The following IQCE variants were observed in gnomAD, a reference collection of about 807,000 sequenced individuals.
IQCE encodes IQ domain-containing protein E.
In IQCE, 115 loss-of-function variants were observed where a neutral mutation model predicts 96.0. The ratio of observed to expected loss-of-function variants is 1.20; its 90% CI spans 1.03 to 1.40. IQCE has a LOEUF of 1.40. IQCE is among the 40% of genes most tolerant of loss of function. IQCE has a pLI of 0.00. For synonymous variants in IQCE, 412 were observed against 371.2 expected (o/e 1.11, Z -1.26); for missense variants, 1,041 against 909.1 (o/e 1.15, Z -1.87).
chr7:2,596,262 T>TA (rs1329807102), intron 16 of IQCE, among the ~76,000 whole-genome samples: 3 of 141,740 alleles, frequency 2.1e-5, no homozygotes, highest in African/African-American at 7.9e-5. Context: ...CTTTTCTCAC[T>TA]AAAAAAAGAA....
Position 2,604,894 on chromosome 7 carries a change from T to C in IQCE, c.1646T>C (p.Leu549Pro). The change falls in exon 19 of 22, where the codon CTT (leucine) becomes CCT (proline). Residue 549 changes from leucine to proline, a missense_variant. Coordinates refer to ENST00000402050, the MANE Select transcript of IQCE (RefSeq NM_152558.5). ...KAVLDEAAVV[L>P]QAAFRGHLTR... is the part of the protein sequence containing the mutation. ...CTTCCCTGACAGGCGGCTGTGGTGC[T>C]TCAGGCAGCTTTCAGGGGACATCTC... 1 of 1,613,584 alleles carries C rather than the reference T, an allele frequency of 6.2e-7. No homozygotes were observed. The highest frequency in any genetic ancestry group is 8.5e-7 in the Non-Finnish European group (1 of 1,179,796).
chr7:2,559,133 G>C lies in IQCE; in HGVS notation c.-49G>C. On this transcript the variant is annotated 5_prime_UTR_variant, in exon 1 of 22. Coordinates refer to ENST00000402050, the MANE Select transcript of IQCE (RefSeq NM_152558.5). ...GGGCTGCCCGCGGATTCCCAGACCC[G>C]GACGCCCGAGCCAGCAACCCTGAGG... 2 of 1,053,148 alleles carry C rather than the reference G, an allele frequency of 1.9e-6. No individual in the cohort carries two copies. Among genetic ancestry groups the C allele is most frequent in the Non-Finnish European group, 2.3e-6 (2 of 867,470 alleles). 65.2% of individuals were successfully genotyped at this position (1,053,148 alleles called of 1,614,324 possible). A position where few individuals can be genotyped will look rare whatever the true frequency, so the allele number is the denominator to read the frequency against.
At chr7:2,598,439 C>T in intron 16 of IQCE, 26 bp from the exon 17 acceptor site, 1 of 1,547,282 alleles carries the variant, frequency 6.5e-7, no homozygotes, top group African/African-American at 1.4e-5. Context: ...GCTTCATTGT[C>T]CTCTTACTCC....
intron 15 of IQCE, among the ~76,000 whole-genome samples, chr7:2,594,263 CAAACA>C (rs1783843778): frequency 6.6e-6 from 1 of 150,900 alleles, no homozygotes; most frequent in South Asian, 2.1e-4. Flanking sequence ...CTGTCTCAAA[CAAACA>C]AAAAAAAAGA....
chr7:2,568,325 A>G (rs959258946), intron 2 of IQCE, among the ~76,000 whole-genome samples: 6 of 152,248 alleles, frequency 3.9e-5, no homozygotes, highest in Non-Finnish European at 8.8e-5. Context: ...CTTGGGTCCC[A>G]TCCCCAAGAT....
chr7:2,604,319 C>T (rs561785468), intron 18 of IQCE, among the ~76,000 whole-genome samples: 8 of 152,206 alleles, frequency 5.3e-5, no homozygotes, highest in African/African-American at 1.2e-4. Context: ...CTGTGTTGCC[C>T]GGGCTGATCT....
At chr7:2,581,141 C>A (rs2128448070) in intron 8 of IQCE, among the ~76,000 whole-genome samples, 1 of 152,232 alleles carries the variant, frequency 6.6e-6, no homozygotes, top group South Asian at 2.1e-4. Flanking sequence ...CCGCGCCCAG[C>A]CCTGTAACAT....
intron 3 of IQCE, among the ~76,000 whole-genome samples, chr7:2,571,156 C>G (rs1003717589): frequency 2.0e-5 from 3 of 152,068 alleles, no homozygotes; most frequent in African/African-American, 7.2e-5. Flanking sequence ...GTAGCTGGGA[C>G]CACAGGTGTG....
chr7:2,608,513 A>C (rs1317979991), intron 21 of IQCE, among the ~76,000 whole-genome samples: 3 of 152,234 alleles, frequency 2.0e-5, no homozygotes, highest in Non-Finnish European at 4.4e-5. Context: ...CAAAACTTCC[A>C]TTTGTAAAGC....
rs548125972 is a variant in IQCE, at chr7:2,598,339, C to T, written c.1441-126C>T. On this transcript the variant is annotated intron_variant, in intron 16 of 21. Transcript: ENST00000402050. ...GACCAGTGTGGAACAGCTCTCTCCT[C>T]CACATTAGTGAGACTCACCTGATAA... 1,635 of 921,154 alleles carry T rather than the reference C, an allele frequency of 1.8e-3. 4 individuals carry two copies. The highest frequency in any genetic ancestry group is 2.4e-3 in the Non-Finnish European group (1,453 of 616,968). The allele number at this position is 921,154 out of a possible 1,614,324, so 57.1% of individuals were successfully genotyped here. A position where few individuals can be genotyped will look rare whatever the true frequency, so the allele number is the denominator to read the frequency against.
At chr7:2,568,400 A>G (rs1781532787) in intron 2 of IQCE, among the ~76,000 whole-genome samples, 1 of 152,198 alleles carries the variant, frequency 6.6e-6, no homozygotes, top group South Asian at 2.1e-4. Flanking sequence ...CATCTCGGAT[A>G]TGGGACACTC....
intron 3 of IQCE, among the ~76,000 whole-genome samples, chr7:2,570,976 TAATA>T (rs1781712509): frequency 6.6e-6 from 1 of 152,242 alleles, no homozygotes; most frequent in Non-Finnish European, 1.5e-5. Flanking sequence ...TTAAATGCTA[TAATA>T]AATGTTGGTA....
At chr7:2,561,846 G>C (rs1355751587) in intron 1 of IQCE, among the ~76,000 whole-genome samples, 1 of 152,208 alleles carries the variant, frequency 6.6e-6, no homozygotes, top group African/African-American at 2.4e-5. Flanking sequence ...TCTGTGAATA[G>C]AGATAGTTTT....
At chr7:2,603,358 C>G (rs1784565524) in intron 18 of IQCE, among the ~76,000 whole-genome samples, 1 of 152,252 alleles carries the variant, frequency 6.6e-6, no homozygotes, top group African/African-American at 2.4e-5. Flanking sequence ...GGTGCCTAGA[C>G]TGGCGCCTGG....
chr7:2,588,009 G>A (rs56005128), intron 13 of IQCE, 132 bp downstream of exon 13: 42,637 of 829,896 alleles, frequency 0.051, 1,481 homozygotes, highest in Non-Finnish European at 0.059. Flanking sequence ...CACACAGACC[G>A]CAAGGAGACT....
chr7:2,579,605 G>A (rs192263635), intron 8 of IQCE, among the ~76,000 whole-genome samples: 3 of 152,222 alleles, frequency 2.0e-5, no homozygotes, highest in Non-Finnish European at 4.4e-5. Context: ...AGCCTAGCTC[G>A]GCACCTAGGA....
In IQCE at chr7:2,605,923, C is replaced by T. The variant is rs745506438; in HGVS notation, c.1791C>T (p.Gly597=). ...CGAGCCCCATCGCCCAGGCCACGGG[C>T]AGCCCTGTGCAGGAGGAGGCCATCG... ...RVPSPIAQAT[G]SPVQEEAIVI... Residue 597 remains glycine, a synonymous_variant, in exon 20 of 22, where the codon GGC becomes GGT. Transcript: ENST00000402050. 1.2e-5 allele frequency: 20 copies of T among 1,610,116 alleles called. No individual in the cohort carries two copies. Among genetic ancestry groups the T allele is most frequent in the Non-Finnish European group, 1.7e-5 (20 of 1,178,890 alleles).
At chr7:2,603,779 GACAAA>G (rs1215193027) in intron 18 of IQCE, among the ~76,000 whole-genome samples, 2 of 152,038 alleles carry the variant, frequency 1.3e-5, no homozygotes, top group African/African-American at 4.8e-5. Flanking sequence ...CTAGCTTTAA[GACAAA>G]ACAAAGGTGC....
At chr7:2,582,723 C>G (rs1246377769) in intron 9 of IQCE, 73 bp downstream of exon 9, 3 of 1,320,514 alleles carry the variant, frequency 2.3e-6, no homozygotes, top group Non-Finnish European at 3.2e-6. Flanking sequence ...CGCCTTTGTT[C>G]CTCCCCCACC....
Sources: allele counts gnomAD v4.1 joint callset (sites outside exome capture counted in the v4.1 genomes callset), GRCh38; gene constraint gnomAD v4.1.1; transcripts MANE v1.5; gene names NCBI Gene and HGNC (gene_info 2026-07-23, HGNC 2026-07-21).